Variants in FTO observed in about 807,000 individuals in gnomAD.
FTO encodes the protein FTO alpha-ketoglutarate dependent dioxygenase.
In FTO, 47 loss-of-function variants were observed where a neutral mutation model predicts 63.9. The observed-to-expected ratio is 0.74, with a 90% CI of 0.58 to 0.94. The LOEUF (loss-of-function observed/expected upper bound fraction) is 0.94, where lower values mean the gene tolerates loss of function less well. Among genes scored for constraint, FTO ranks in the 40% least tolerant of loss-of-function variants. FTO has a pLI of 0.00. For synonymous variants in FTO, 207 were observed against 224.4 expected (o/e 0.92, Z 0.69); for missense variants, 562 against 618.1 (o/e 0.91, Z 0.96).
chr16:54,101,684 A>G (rs2086646088), intron 8 of FTO, among the ~76,000 whole-genome samples: 1 of 152,180 alleles, frequency 6.6e-6, no homozygotes, highest in Non-Finnish European at 1.5e-5. Flanking sequence ...ATACCCAGTA[A>G]TGGGATTGCT....
intron 7 of FTO, among the ~76,000 whole-genome samples, chr16:53,924,613 G>A (rs1264801725): frequency 1.3e-5 from 2 of 151,966 alleles, no homozygotes; most frequent in African/African-American, 4.8e-5. Flanking sequence ...GAAGGGCGGG[G>A]GAGGGGAAGG....
intron 7 of FTO, among the ~76,000 whole-genome samples, chr16:53,903,187 C>G (rs2081445624): frequency 6.6e-6 from 1 of 152,028 alleles, no homozygotes; most frequent in Non-Finnish European, 1.5e-5. Context: ...AATCCTCCAG[C>G]CACTCATTCC....
At chr16:53,882,540 G>A (rs781389493) in intron 6 of FTO, among the ~76,000 whole-genome samples, 3 of 152,312 alleles carry the variant, frequency 2.0e-5, no homozygotes, top group East Asian at 1.9e-4. Flanking sequence ...CAAAGGCTGT[G>A]TGGTGGGGGA....
chr16:53,992,275 C>G (rs1007579473), intron 8 of FTO: 1 of 152,164 alleles, frequency 6.6e-6, no homozygotes, highest in African/African-American at 2.4e-5. Context: ...TTTAGAGGAA[C>G]GGAAGGTGCT....
At chr16:53,794,329 A>G (rs1487255734) in intron 1 of FTO, among the ~76,000 whole-genome samples, 1 of 152,222 alleles carries the variant, frequency 6.6e-6, no homozygotes, top group Non-Finnish European at 1.5e-5. Flanking sequence ...AATGCATTAA[A>G]AGAATTAAAG....
At position 54,114,149 on chromosome 16, in the gene FTO, G is replaced by A. The variant is rs1329726546; in HGVS notation, c.*2234G>A. On this transcript the variant is annotated 3_prime_UTR_variant, in exon 9 of 9. Transcript: ENST00000471389. Reference sequence around the variant, plus strand: ...GAACTCAGAACACCCAATAGTCCTAGGCCCCCATCCTCGCATGGCAGCAAG... The same window carrying A: ...GAACTCAGAACACCCAATAGTCCTAAGCCCCCATCCTCGCATGGCAGCAAG... 4 of 152,152 alleles carry A rather than the reference G, an allele frequency of 2.6e-5. No individual in the cohort carries two copies. In the East Asian group the frequency reaches 7.7e-4, roughly 29 times the overall value. 9.4% of individuals were successfully genotyped at this position (152,152 alleles called of 1,614,324 possible).
chr16:53,927,580 A>G (rs931433555), intron 7 of FTO, among the ~76,000 whole-genome samples: 4 of 152,146 alleles, frequency 2.6e-5, no homozygotes, highest in Non-Finnish European at 5.9e-5. Context: ...TCACCCAGAG[A>G]GAGAGCAAAC....
At chr16:53,929,550 A>G (rs1029532781) in intron 7 of FTO, among the ~76,000 whole-genome samples, 6 of 152,242 alleles carry the variant, frequency 3.9e-5, no homozygotes, top group Non-Finnish European at 7.3e-5. Flanking sequence ...TTTTTTAGAT[A>G]AATCCCTGTA....
rs10527186 is a variant in FTO at position 53,719,253 on chromosome 16, CTTTTTTTTT to C, written c.45+15038_45+15046del. 1.1e-4 allele frequency among the ~76,000 whole-genome samples: 15 copies of C among 135,700 alleles called. No individual in the cohort carries two copies. The East Asian group carries it at 1.6e-3, about 14-fold the overall frequency. The allele number at this position is 135,700 out of a possible 152,430, so 89.0% of individuals were successfully genotyped here. A position where few individuals can be genotyped will look rare whatever the true frequency, so the allele number is the denominator to read the frequency against. On this transcript the variant is annotated intron_variant, in intron 1 of 8. Coordinates refer to ENST00000471389, the MANE Select transcript of FTO (RefSeq NM_001080432.3). ...TCTTCTTCTTCTTTTTCTTCTTCTTCTTTTTTTTTTTTTTTTTTTTTTGAGCAGAGTCTT... is the reference window on the plus strand; with the variant it reads ...TCTTCTTCTTCTTTTTCTTCTTCTTCTTTTTTTTTTTTTGAGCAGAGTCTT...
intron 1 of FTO, among the ~76,000 whole-genome samples, chr16:53,727,325 A>T (rs1281241454): frequency 6.6e-6 from 1 of 152,236 alleles, no homozygotes; most frequent in Non-Finnish European, 1.5e-5. Flanking sequence ...GTTAGCTCAC[A>T]GGATAAAACG....
intron 7 of FTO, among the ~76,000 whole-genome samples, chr16:53,898,965 G>A (rs143843589): frequency 1.3e-3 from 201 of 152,270 alleles, no homozygotes; most frequent in Non-Finnish European, 2.1e-3. Flanking sequence ...GTGAATAACA[G>A]CACCTGGCCA....
chr16:53,871,562 G>A (rs1374482161), intron 4 of FTO, among the ~76,000 whole-genome samples: 2 of 151,938 alleles, frequency 1.3e-5, no homozygotes, highest in South Asian at 2.1e-4. Flanking sequence ...TGACTACCTC[G>A]CATATTTTGT....
chr16:53,802,192 T>C (rs987966852), intron 1 of FTO, among the ~76,000 whole-genome samples: 1 of 152,234 alleles, frequency 6.6e-6, no homozygotes, highest in Non-Finnish European at 1.5e-5. Flanking sequence ...TTATATAAAA[T>C]GGCATGTCGC....
chr16:53,858,740 A>C (rs1044890081), intron 4 of FTO, among the ~76,000 whole-genome samples: 5 of 151,036 alleles, frequency 3.3e-5, no homozygotes, highest in Non-Finnish European at 1.5e-5. Context: ...GGCTCACTGC[A>C]ACCTCCGCCT....
chr16:53,734,048 G>A (rs1415662741), intron 1 of FTO, among the ~76,000 whole-genome samples: 2 of 152,118 alleles, frequency 1.3e-5, no homozygotes, highest in African/African-American at 2.4e-5. Flanking sequence ...ATGACAAAAC[G>A]TATTTACAAA....
In FTO at chr16:54,118,426, C is replaced by G. The variant is rs1037631258; in HGVS notation, c.*6511C>G. On this transcript the variant is annotated 3_prime_UTR_variant, in exon 9 of 9. Coordinates refer to ENST00000471389, the MANE Select transcript of FTO (RefSeq NM_001080432.3). The stretch of plus-strand genomic sequence containing the variant: ...GTAGGCTGGAGTGCAGTGGTGAGAT[C>G]ACGGCTCACTGCAGCCTCGACTTCA... The G allele has an allele frequency of 1.4e-5, 2 of 145,748 alleles. No individual in the cohort carries two copies. The highest frequency in any genetic ancestry group is 3.0e-5 in the Non-Finnish European group (2 of 67,104). 9.0% of individuals were successfully genotyped at this position (145,748 alleles called of 1,614,324 possible).
intron 3 of FTO, among the ~76,000 whole-genome samples, chr16:53,837,550 T>G (rs1415848707): frequency 6.6e-6 from 1 of 152,176 alleles, no homozygotes; most frequent in Non-Finnish European, 1.5e-5. Flanking sequence ...AAATTCTCCA[T>G]TTTTTCAGAC....
chr16:53,970,003 C>G (rs1193489979), intron 8 of FTO, among the ~76,000 whole-genome samples: 1 of 152,112 alleles, frequency 6.6e-6, no homozygotes, highest in East Asian at 1.9e-4. Flanking sequence ...AGTGCACCAG[C>G]AGACTCTGGA....
intron 4 of FTO, among the ~76,000 whole-genome samples, chr16:53,860,596 A>G (rs1050792692): frequency 6.6e-6 from 1 of 152,186 alleles, no homozygotes; most frequent in Non-Finnish European, 1.5e-5. Context: ...TGCCCGGAGC[A>G]GGAGGAAGAG....
Sources: allele counts gnomAD v4.1 joint callset (sites outside exome capture counted in the v4.1 genomes callset), GRCh38; gene constraint gnomAD v4.1.1; transcripts MANE v1.5; gene names NCBI Gene and HGNC (gene_info 2026-07-23, HGNC 2026-07-21).